The following KDELR3 variants were observed in gnomAD, a reference collection of about 807,000 sequenced individuals.
The protein encoded by KDELR3 is KDEL endoplasmic reticulum protein retention receptor 3.
KDELR3 carries 26 observed loss-of-function variants against 22.7 expected under a neutral mutation model. The observed-to-expected ratio is 1.15, with a 90% CI of 0.84 to 1.59. The LOEUF (loss-of-function observed/expected upper bound fraction) is 1.59. KDELR3 is among the 40% of genes most tolerant of loss of function. The pLI is 0.00. For missense variants in KDELR3, 289 were observed against 251.1 expected, an observed-to-expected ratio of 1.15 and a Z score of -1.02; for synonymous variants, 120 against 98.2, an observed-to-expected ratio of 1.22 and a Z score of -1.31.
chr22:38,474,302 G>A, intron 1 of KDELR3: 1 of 470,812 alleles, frequency 2.1e-6, no homozygotes, highest in Non-Finnish European at 3.8e-6. Context: ...TTGGAGACTG[G>A]GAGACAGATT....
In KDELR3 at chr22:38,481,205, G is replaced by A. The variant is rs2089597212; in HGVS notation, c.352-7G>A. 1.6e-5 allele frequency: 25 copies of A among 1,609,314 alleles called. No individual in the cohort carries two copies. Among genetic ancestry groups the A allele is most frequent in the Non-Finnish European group, 2.1e-5 (25 of 1,177,464 alleles). ...CTCAGTCTCTGGTTGCTTTCTCTTT[G>A]GCTCAGATCCTCTGGACTTTCTCTA... On this transcript the variant is annotated splice_polypyrimidine_tract_variant and splice_region_variant and intron_variant, in intron 3 of 4. Coordinates refer to ENST00000216014, the MANE Select transcript of KDELR3 (RefSeq NM_006855.4).
At chr22:38,474,673 A>T in intron 2 of KDELR3, 50 bp downstream of exon 2, 5 of 1,444,508 alleles carry the variant, frequency 3.5e-6, no homozygotes, top group Non-Finnish European at 3.9e-6. Context: ...GCCCCCACAA[A>T]CTGTGAGGTA....
At chr22:38,481,929 A>C (rs2089605834) in intron 4 of KDELR3, among the ~76,000 whole-genome samples, 1 of 151,424 alleles carries the variant, frequency 6.6e-6, no homozygotes, top group Non-Finnish European at 1.5e-5. Flanking sequence ...ATGAGCAAAA[A>C]CAAACAAAAA....
intron 3 of KDELR3, among the ~76,000 whole-genome samples, chr22:38,480,535 C>T (rs923564738): frequency 6.6e-6 from 1 of 151,744 alleles, no homozygotes; most frequent in African/African-American, 2.4e-5. Flanking sequence ...CTCATGAGGT[C>T]AGGAGATCGA....
At chr22:38,479,532 T>TA in intron 2 of KDELR3, 61 bp from the exon 3 acceptor site, 8 of 1,489,168 alleles carry the variant, frequency 5.4e-6, no homozygotes, top group Non-Finnish European at 7.5e-6. Flanking sequence ...GCTAGGAGCG[T>TA]AGTAAATAGG....
intron 1 of KDELR3, among the ~76,000 whole-genome samples, chr22:38,472,479 A>AAAAT (rs917546793): frequency 2.6e-5 from 4 of 152,044 alleles, no homozygotes; most frequent in Non-Finnish European, 4.4e-5. Context: ...TCTGTCTCAA[A>AAAAT]AAATAAATAA....
At chr22:38,470,117 C>T (rs541036146) in intron 1 of KDELR3, among the ~76,000 whole-genome samples, 9 of 149,968 alleles carry the variant, frequency 6.0e-5, no homozygotes, top group Non-Finnish European at 1.2e-4. Flanking sequence ...TGGGCCACTG[C>T]GCCCACTTCT....
rs1241809399 is a variant in KDELR3 at position 38,479,757 on chromosome 22, G to A, written c.351+6G>A. The A allele has an allele frequency of 6.2e-7, 1 of 1,614,002 alleles. No homozygotes were observed. Among genetic ancestry groups the A allele is most frequent in the East Asian group, 2.2e-5 (1 of 44,882 alleles). ...ACAGTTTCACTCTGCTGGAGGTAAG[G>A]GAATGGACTGAGTACCAGTTCTCAA... On this transcript the variant is annotated splice_donor_region_variant and intron_variant, in intron 3 of 4. Transcript: ENST00000216014.
chr22:38,472,252 C>G (rs1258540495), intron 1 of KDELR3, among the ~76,000 whole-genome samples: 1 of 152,036 alleles, frequency 6.6e-6, no homozygotes, highest in African/African-American at 2.4e-5. Context: ...CCGAAGTGGG[C>G]AGTCACTTGA....
chr22:38,481,656 G>A lies in KDELR3; in HGVS notation c.604+192G>A, dbSNP rs1244450504. The A allele has an allele frequency of 4.2e-6, 6 of 1,440,334 alleles. No individual in the cohort carries two copies. In the East Asian group the frequency reaches 1.2e-4, roughly 30 times the overall value. 89.2% of individuals were successfully genotyped at this position (1,440,334 alleles called of 1,614,324 possible). On this transcript the variant is annotated intron_variant, in intron 4 of 4. Coordinates refer to ENST00000216014, the MANE Select transcript of KDELR3 (RefSeq NM_006855.4). ...AAAAACATGCAGGCCAATAGGTTAT[G>A]TGTACTATGCAAGACAGCTGTGAGA...
intron 1 of KDELR3, among the ~76,000 whole-genome samples, chr22:38,470,126 C>CTT (rs1156916332): frequency 1.7e-5 from 2 of 120,540 alleles, no homozygotes. Flanking sequence ...GCGCCCACTT[C>CTT]TTTTTTTTTT....
At chr22:38,478,488 C>T (rs370562807) in intron 2 of KDELR3, among the ~76,000 whole-genome samples, 2 of 135,592 alleles carry the variant, frequency 1.5e-5, no homozygotes, top group African/African-American at 5.4e-5. Context: ...TGAGACAAGA[C>T]TGCACCACTG....
At chr22:38,477,923 G>A (rs2089570898) in intron 2 of KDELR3, among the ~76,000 whole-genome samples, 1 of 152,154 alleles carries the variant, frequency 6.6e-6, no homozygotes, top group Non-Finnish European at 1.5e-5. Flanking sequence ...TTTATGAAAT[G>A]AAAAAGTGAC....
At chr22:38,481,556 C>T in intron 4 of KDELR3, 92 bp downstream of exon 4, 1 of 1,574,398 alleles carries the variant, frequency 6.4e-7, no homozygotes, top group Non-Finnish European at 8.6e-7. Flanking sequence ...TGTGAACAGT[C>T]AAGTCTCTGC....
At chr22:38,474,051 C>A (rs892995695) in intron 1 of KDELR3, among the ~76,000 whole-genome samples, 2 of 152,208 alleles carry the variant, frequency 1.3e-5, no homozygotes, top group Non-Finnish European at 2.9e-5. Context: ...GCTCCCCTGG[C>A]CCTGAACCTT....
In KDELR3 at chr22:38,474,546, C is replaced by G. The variant is rs1159017110; in HGVS notation, c.115C>G (p.Leu39Val). ...AGGCATCTCTGGGAAGAGCCAGATC[C>G]TGTTTGCTCTCGTCTTCACCACCAG... Reference protein sequence around the residue: ...CKGISGKSQILFALVFTTRYL... With the variant: ...CKGISGKSQIVFALVFTTRYL... The change falls in exon 2 of 5, where the codon CTG becomes GTG. Residue 39 changes from leucine to valine, a missense_variant. Leu to Val is a conservative substitution (Grantham distance 32). Coordinates refer to ENST00000216014, the MANE Select transcript of KDELR3 (RefSeq NM_006855.4). The G allele has an allele frequency of 1.9e-6, 3 of 1,614,022 alleles. No homozygotes were observed. Among genetic ancestry groups the G allele is most frequent in the Non-Finnish European group, 2.5e-6 (3 of 1,179,994 alleles).
chr22:38,482,919 G>A lies in KDELR3; in HGVS notation c.*383G>A, dbSNP rs2089615686. 1 of 204,342 alleles carries A rather than the reference G, an allele frequency of 4.9e-6. No homozygotes were observed. Among genetic ancestry groups the A allele is most frequent in the South Asian group, 1.5e-4 (1 of 6,802 alleles). The allele number at this position is 204,342 out of a possible 1,614,324, so 12.7% of individuals were successfully genotyped here. A position where few individuals can be genotyped will look rare whatever the true frequency, so the allele number is the denominator to read the frequency against. On this transcript the variant is annotated 3_prime_UTR_variant, in exon 5 of 5. Coordinates refer to ENST00000216014, the MANE Select transcript of KDELR3 (RefSeq NM_006855.4). ...CTCCTCTTAGAATGTCCCAACTAAA[G>A]ACCAGTTAAAATATTAGGGTACGTT...
chr22:38,482,202 C>G (rs16998978), intron 4 of KDELR3, among the ~76,000 whole-genome samples: 4,029 of 152,252 alleles, frequency 0.026, 184 homozygotes, highest in African/African-American at 0.09. Context: ...GGTAGAAAGA[C>G]ATGTGGACAC....
chr22:38,477,070 CTAACTT>C lies in KDELR3; in HGVS notation c.192+2449_192+2454del, dbSNP rs1239058890. Among the ~76,000 whole-genome samples, 20 of 106,892 alleles carry C rather than the reference CTAACTT, an allele frequency of 1.9e-4. 1 individual carries two copies. Among genetic ancestry groups the C allele is most frequent in the East Asian group, 2.5e-4 (1 of 3,926 alleles). The allele number at this position is 106,892 out of a possible 152,430, so 70.1% of individuals were successfully genotyped here. ...TACAGATGTGTGCCACCATGCCTGG[CTAACTT>C]TTTTTTTTTTTTTTTTGTATTTTTA... On this transcript the variant is annotated intron_variant, in intron 2 of 4. Transcript: ENST00000216014.
Sources: gnomAD v4.1 joint callset for allele counts (sites outside exome capture counted in the v4.1 genomes callset) on GRCh38, gnomAD v4.1.1 for gene constraint, MANE v1.5 for transcripts, NCBI Gene and HGNC (gene_info 2026-07-23, HGNC 2026-07-21) for gene names.